BST1: variants seen among roughly 807,000 people sequenced by gnomAD.
The protein encoded by BST1 is ADP-ribosyl cyclase/cyclic ADP-ribose hydrolase 2.
A neutral mutation model predicts 40.6 loss-of-function variants in BST1; 49 were observed. The observed-to-expected ratio is 1.21, with a 90% confidence interval of 0.96 to 1.53. The LOEUF (loss-of-function observed/expected upper bound fraction) is 1.53. Ranked by LOEUF, BST1 falls within the 40% of genes most tolerant of loss-of-function variation. BST1 has a pLI of 0.00. For synonymous variants in BST1, 157 were observed against 159.3 expected, an observed-to-expected ratio of 0.99 and a Z score of 0.11; for missense variants, 423 against 395.9, an observed-to-expected ratio of 1.07 and a Z score of -0.58.
chr4:15,724,885 T>G (rs1195548521), intron 8 of BST1, among the ~76,000 whole-genome samples: 1 of 152,100 alleles, frequency 6.6e-6, no homozygotes, highest in African/African-American at 2.4e-5. Context: ...CATGTGCAAT[T>G]TCTGGGTTTA....
chr4:15,723,215 T>C (rs1346480827), intron 8 of BST1, among the ~76,000 whole-genome samples: 1 of 152,220 alleles, frequency 6.6e-6, no homozygotes, highest in Admixed American at 6.5e-5. Context: ...TGTTAGTGGC[T>C]GTAGAGCAAT....
intron 8 of BST1, chr4:15,731,277 G>T (rs1018391835): frequency 1.4e-5 from 7 of 505,502 alleles, no homozygotes; most frequent in Non-Finnish European, 2.1e-5. Flanking sequence ...GGATCTGCTT[G>T]ATCAGAGACT....
intron 3 of BST1, among the ~76,000 whole-genome samples, chr4:15,709,523 T>C (rs1720069984): frequency 6.6e-6 from 1 of 152,134 alleles, no homozygotes; most frequent in Non-Finnish European, 1.5e-5. Flanking sequence ...TTTTGTTTGA[T>C]GATGCTGCAG....
chr4:15,715,581 A>G (rs1381286194), intron 5 of BST1, 126 bp from the exon 6 acceptor site: 1 of 854,488 alleles, frequency 1.2e-6, no homozygotes, highest in Admixed American at 3.2e-5. Flanking sequence ...TAACCTAAAA[A>G]TAAAAGCTAA....
chr4:15,773,637 C>CA, the BST1 span, among the ~76,000 whole-genome samples: 11 of 151,870 alleles, frequency 7.2e-5, no homozygotes, highest in Middle Eastern at 3.4e-3. Flanking sequence ...CCCATCTCTA[C>CA]AAAAAAAATC....
At chr4:15,751,195 A>G in the BST1 span, among the ~76,000 whole-genome samples, 38 of 152,336 alleles carry the variant, frequency 2.5e-4, no homozygotes, top group Admixed American at 2.5e-3. Context: ...AGGAGGGGTT[A>G]TATGAATTAA....
At chr4:15,751,628 A>C in the BST1 span, among the ~76,000 whole-genome samples, 124,938 of 151,790 alleles carry the variant, frequency 0.82, 51,794 homozygotes, top group East Asian at 0.98. Context: ...GTATATAGAT[A>C]TATGTGTATA....
intron 3 of BST1, among the ~76,000 whole-genome samples, chr4:15,709,512 C>A (rs946362010): frequency 6.6e-6 from 1 of 152,110 alleles, no homozygotes; most frequent in Non-Finnish European, 1.5e-5. Context: ...TTCCAGGAAG[C>A]TTTTGTTTGA....
intron 7 of BST1, among the ~76,000 whole-genome samples, chr4:15,719,470 T>C (rs950060918): frequency 6.6e-6 from 1 of 152,142 alleles, no homozygotes; most frequent in Non-Finnish European, 1.5e-5. Context: ...TATATATTTA[T>C]AATCAGGTAT....
At chr4:15,736,427 T>C (rs895050378), downstream of BST1, among the ~76,000 whole-genome samples, 21 of 151,992 alleles carry the variant, frequency 1.4e-4, no homozygotes, top group African/African-American at 4.8e-4. Flanking sequence ...CTGGACAACA[T>C]GGTGAAACCC....
chr4:15,753,598 G>T, the BST1 span, among the ~76,000 whole-genome samples: 1 of 152,184 alleles, frequency 6.6e-6, no homozygotes, highest in Non-Finnish European at 1.5e-5. Flanking sequence ...TATTGGGATA[G>T]GACCCAGCTC....
At chr4:15,773,141 C>T in the BST1 span, among the ~76,000 whole-genome samples, 1 of 152,180 alleles carries the variant, frequency 6.6e-6, no homozygotes, top group Non-Finnish European at 1.5e-5. Flanking sequence ...GGTGAACTTT[C>T]TCTTGGACTA....
chr4:15,772,086 A>T, the BST1 span, among the ~76,000 whole-genome samples: 4 of 152,028 alleles, frequency 2.6e-5, no homozygotes, highest in Non-Finnish European at 5.9e-5. Flanking sequence ...AAGAAGAAAG[A>T]ATTGTTTTCT....
At chr4:15,712,208 T>A (rs1720256124) in intron 4 of BST1, among the ~76,000 whole-genome samples, 1 of 152,214 alleles carries the variant, frequency 6.6e-6, no homozygotes, top group Non-Finnish European at 1.5e-5. Context: ...GATTGCTACA[T>A]AAAATGGGGC....
the BST1 span, among the ~76,000 whole-genome samples, chr4:15,743,874 C>T: frequency 3.3e-5 from 5 of 152,138 alleles, no homozygotes; most frequent in Admixed American, 6.5e-5. Context: ...CCATTAGGGA[C>T]GCTGGTCAGA....
intron 8 of BST1, chr4:15,723,340 G>A (rs896287273): frequency 1.9e-5 from 3 of 160,098 alleles, no homozygotes; most frequent in Non-Finnish European, 4.1e-5. Context: ...TCCGCCTTCC[G>A]AGTTCACACC....
chr4:15,723,333 G>A (rs371743344), intron 8 of BST1: 18 of 160,440 alleles, frequency 1.1e-4, no homozygotes, highest in Admixed American at 2.6e-4. Flanking sequence ...TGCAAGCTCC[G>A]CCTTCCGAGT....
chr4:15,720,384 C>T (rs957676038), intron 7 of BST1, among the ~76,000 whole-genome samples: 7 of 151,772 alleles, frequency 4.6e-5, no homozygotes, highest in Admixed American at 3.9e-4. Context: ...TTTGGAAGGC[C>T]GAGGCGGGCG....
the BST1 span, among the ~76,000 whole-genome samples, chr4:15,772,501 C>T: frequency 6.6e-6 from 1 of 152,162 alleles, no homozygotes; most frequent in East Asian, 1.9e-4. Context: ...GAATAAATTT[C>T]AATTGCTGCC....
Sources: gnomAD v4.1 joint callset for allele counts (sites outside exome capture counted in the v4.1 genomes callset) on GRCh38, gnomAD v4.1.1 for gene constraint, MANE v1.5 for transcripts, NCBI Gene and HGNC (gene_info 2026-07-23, HGNC 2026-07-21) for gene names.